ZNF385D: variants seen among roughly 807,000 people sequenced by gnomAD.
The protein encoded by ZNF385D is zinc finger protein 659.
In ZNF385D, 15 loss-of-function variants were observed where a neutral mutation model predicts 35.8. The ratio of observed to expected loss-of-function variants is 0.42; its 90% CI spans 0.28 to 0.64. ZNF385D has a LOEUF of 0.64. Ranked by LOEUF, ZNF385D falls within the 30% of genes least tolerant of loss-of-function variation. The pLI, the probability that ZNF385D is intolerant of heterozygous loss-of-function variation, is 0.23. For synonymous variants in ZNF385D, 212 were observed against 186.8 expected (o/e 1.13, Z -1.10); for missense variants, 474 against 494.6 (o/e 0.96, Z 0.39).
chr3:21,791,473 G>A (rs1257820166), intron 3 of ZNF385D, among the ~76,000 whole-genome samples: 1 of 152,160 alleles, frequency 6.6e-6, no homozygotes, highest in Non-Finnish European at 1.5e-5. Context: ...AAAATCAGAG[G>A]ATTTAAGGAG....
At chr3:21,652,464 T>C (rs985061218) in intron 2 of ZNF385D, among the ~76,000 whole-genome samples, 21 of 152,138 alleles carry the variant, frequency 1.4e-4, no homozygotes, top group Non-Finnish European at 1.5e-5. Flanking sequence ...AAAGTATTAA[T>C]ATATTTTTTT....
intron 2 of ZNF385D, among the ~76,000 whole-genome samples, chr3:21,630,714 A>G (rs1182452628): frequency 2.0e-5 from 3 of 152,132 alleles, no homozygotes; most frequent in African/African-American, 2.4e-5. Context: ...CATTTTTCTC[A>G]TCAGAAATGT....
intron 3 of ZNF385D, among the ~76,000 whole-genome samples, chr3:21,899,443 C>T (rs1699294832): frequency 6.6e-6 from 1 of 152,148 alleles, no homozygotes; most frequent in African/African-American, 2.4e-5. Context: ...GTTAAGCACA[C>T]ATTACTGGTC....
At chr3:21,537,655 T>A (rs958276641) in intron 3 of ZNF385D, among the ~76,000 whole-genome samples, 1 of 152,132 alleles carries the variant, frequency 6.6e-6, no homozygotes, top group Non-Finnish European at 1.5e-5. Context: ...CCAAGATCAG[T>A]GCCTCACATA....
chr3:21,822,550 C>T (rs1019232802), intron 3 of ZNF385D, among the ~76,000 whole-genome samples: 7 of 151,940 alleles, frequency 4.6e-5, no homozygotes, highest in Admixed American at 3.9e-4. Flanking sequence ...ACATATGTAT[C>T]CTACAACTCA....
chr3:21,464,743 A>AACACACAAACACACACACACACAC (rs1553589980), intron 4 of ZNF385D, among the ~76,000 whole-genome samples: 1,932 of 150,290 alleles, frequency 0.013, 21 homozygotes, highest in South Asian at 0.016. Flanking sequence ...AATAAATTAA[A>AACACACAAACACACACACACACAC]ACACACACAC....
intron 3 of ZNF385D, among the ~76,000 whole-genome samples, chr3:21,907,611 G>A (rs1051412618): frequency 3.9e-5 from 6 of 152,120 alleles, no homozygotes; most frequent in East Asian, 3.9e-4. Context: ...TGTGGAATCC[G>A]TTAAAAGGAG....
At chr3:22,213,954 C>T (rs1697689477) in intron 2 of ZNF385D, among the ~76,000 whole-genome samples, 1 of 151,892 alleles carries the variant, frequency 6.6e-6, no homozygotes, top group East Asian at 1.9e-4. Context: ...TCAGAATTTC[C>T]AATTAGTAAA....
chr3:22,041,878 A>G (rs1169121752), intron 3 of ZNF385D, among the ~76,000 whole-genome samples: 2 of 152,126 alleles, frequency 1.3e-5, no homozygotes, highest in African/African-American at 4.8e-5. Flanking sequence ...TCAGGTTATA[A>G]TATCTGTGTT....
At chr3:22,238,289 A>G (rs1004110252) in intron 2 of ZNF385D, among the ~76,000 whole-genome samples, 6 of 150,714 alleles carry the variant, frequency 4.0e-5, no homozygotes, top group Non-Finnish European at 8.9e-5. Flanking sequence ...TATTTTGGCT[A>G]TTGGGGGTCC....
At chr3:22,172,988 G>C (rs966457274) in intron 2 of ZNF385D, among the ~76,000 whole-genome samples, 1 of 152,176 alleles carries the variant, frequency 6.6e-6, no homozygotes, top group African/African-American at 2.4e-5. Flanking sequence ...TAATACTTCA[G>C]CCACATCAAG....
intron 1 of ZNF385D, among the ~76,000 whole-genome samples, chr3:21,746,640 G>A (rs1345019870): frequency 6.6e-6 from 1 of 152,154 alleles, no homozygotes; most frequent in Non-Finnish European, 1.5e-5. Flanking sequence ...GTTTCTTCCT[G>A]AATTATTCTC....
chr3:21,499,791 A>G (rs964333272), intron 4 of ZNF385D, among the ~76,000 whole-genome samples: 4 of 152,242 alleles, frequency 2.6e-5, no homozygotes, highest in South Asian at 2.1e-4. Flanking sequence ...GGTTTGAGCA[A>G]TCACGTAAAT....
intron 3 of ZNF385D, among the ~76,000 whole-genome samples, chr3:21,875,060 T>C (rs749231470): frequency 4.6e-5 from 7 of 152,082 alleles, no homozygotes; most frequent in South Asian, 2.1e-4. Flanking sequence ...CATTGTTTAG[T>C]GTACAGAAAC....
intron 1 of ZNF385D, among the ~76,000 whole-genome samples, chr3:21,738,428 CTGTT>C (rs1162619949): frequency 1.2e-4 from 19 of 152,168 alleles, no homozygotes; most frequent in Non-Finnish European, 2.8e-4. Context: ...GTTGTGAAGA[CTGTT>C]TGGGTTGCCA....
At chr3:21,578,004 A>G (rs2063544445) in intron 2 of ZNF385D, among the ~76,000 whole-genome samples, 1 of 151,684 alleles carries the variant, frequency 6.6e-6, no homozygotes, top group South Asian at 2.1e-4. Flanking sequence ...TTGTAGAGAC[A>G]GGGTTGTGCC....
At chr3:21,424,322 T>TATATATATATA (rs1367584308) in intron 6 of ZNF385D, among the ~76,000 whole-genome samples, 50 of 123,734 alleles carry the variant, frequency 4.0e-4, no homozygotes, top group South Asian at 1.1e-3. Flanking sequence ...TATATATTTT[T>TATATATATATA]TTTTTTTTTT....
At chr3:21,915,649 A>C (rs1484919663) in intron 3 of ZNF385D, among the ~76,000 whole-genome samples, 1 of 152,168 alleles carries the variant, frequency 6.6e-6, no homozygotes, top group Non-Finnish European at 1.5e-5. Context: ...AAGAAAAAAA[A>C]CAAAAACAAC....
At chr3:21,639,142 A>G (rs2065529620) in intron 2 of ZNF385D, among the ~76,000 whole-genome samples, 1 of 152,088 alleles carries the variant, frequency 6.6e-6, no homozygotes, top group Non-Finnish European at 1.5e-5. Flanking sequence ...AACAACTAAG[A>G]TAAAAAGCAT....
Sources: allele counts gnomAD v4.1 joint callset (sites outside exome capture counted in the v4.1 genomes callset), GRCh38; gene constraint gnomAD v4.1.1; transcripts MANE v1.5; gene names NCBI Gene and HGNC (gene_info 2026-07-23, HGNC 2026-07-21).